Variants in SGCZ observed in about 807,000 individuals in gnomAD.
SGCZ encodes the protein zeta-sarcoglycan.
In SGCZ, 40 loss-of-function variants were observed where a neutral mutation model predicts 41.3. The observed-to-expected ratio is 0.97, with a 90% CI of 0.75 to 1.26. The LOEUF (loss-of-function observed/expected upper bound fraction) is 1.26, where lower values mean the gene tolerates loss of function less well. SGCZ is among the 50% of genes most tolerant of loss of function. The probability of loss-of-function intolerance (pLI) is 0.00; values close to 1 mark genes in which losing one functional copy is unlikely to be tolerated. For synonymous variants in SGCZ, 206 were observed against 137.5 expected, an observed-to-expected ratio of 1.50 and a Z score of -3.49; for missense variants, 552 against 369.8, an observed-to-expected ratio of 1.49 and a Z score of -4.04.
At chr8:14,118,154 G>A (rs991046160) in intron 5 of SGCZ, among the ~76,000 whole-genome samples, 4 of 151,954 alleles carry the variant, frequency 2.6e-5, no homozygotes, top group East Asian at 1.9e-4. Context: ...TTGAGGAATC[G>A]CCACATTGTC....
At chr8:14,369,051 G>GTGTGTC (rs1554507452) in intron 2 of SGCZ, among the ~76,000 whole-genome samples, 5 of 150,118 alleles carry the variant, frequency 3.3e-5, no homozygotes, top group African/African-American at 1.2e-4. Context: ...GTGTGTGTGT[G>GTGTGTC]TGTATTACAT....
At position 15,008,727 on chromosome 8, in the gene SGCZ, G is replaced by C. The variant is rs1411333353; in HGVS notation, c.39+228858C>G. Among the ~76,000 whole-genome samples the C allele has an allele frequency of 1.9e-3, 114 of 61,456 alleles. 1 individual carries two copies. Among genetic ancestry groups the C allele is most frequent in the African/African-American group, 6.9e-3 (103 of 14,850 alleles). 40.3% of individuals were successfully genotyped at this position (61,456 alleles called of 152,430 possible). ...GAAAAGGGGAGGAGGGAGGGGAGGAGGGGGGAGGAGGGAGGGGAAGAGGGG... is the reference window on the plus strand; with the variant it reads ...GAAAAGGGGAGGAGGGAGGGGAGGACGGGGGAGGAGGGAGGGGAAGAGGGG... On this transcript the variant is annotated intron_variant, in intron 1 of 7. Coordinates refer to ENST00000382080, the MANE Select transcript of SGCZ (RefSeq NM_139167.4).
intron 2 of SGCZ, among the ~76,000 whole-genome samples, chr8:14,325,517 AATAG>A (rs1031207339): frequency 1.9e-4 from 28 of 147,854 alleles, no homozygotes; most frequent in African/African-American, 6.4e-4. Context: ...AATCATATAT[AATAG>A]ATATATAATC....
At chr8:14,903,276 A>G (rs1563351402) in intron 1 of SGCZ, among the ~76,000 whole-genome samples, 3 of 151,986 alleles carry the variant, frequency 2.0e-5, no homozygotes, top group Non-Finnish European at 4.4e-5. Flanking sequence ...TAGATACAGC[A>G]TTATTTCTGA....
At chr8:14,542,116 G>C (rs187983906) in intron 2 of SGCZ, among the ~76,000 whole-genome samples, 1 of 152,166 alleles carries the variant, frequency 6.6e-6, no homozygotes, top group African/African-American at 2.4e-5. Context: ...CTTTTGCTGA[G>C]CAGAAGCTCT....
intron 2 of SGCZ, among the ~76,000 whole-genome samples, chr8:14,447,907 A>G (rs75379242): frequency 0.011 from 1,743 of 152,300 alleles, 25 homozygotes; most frequent in South Asian, 0.025. Context: ...AAATCACCTC[A>G]TATGACTTAT....
chr8:14,410,087 C>T (rs1488210562), intron 2 of SGCZ, among the ~76,000 whole-genome samples: 3 of 152,156 alleles, frequency 2.0e-5, no homozygotes, highest in South Asian at 4.1e-4. Flanking sequence ...CCAGGGGTGG[C>T]GTTAGATTCT....
intron 1 of SGCZ, among the ~76,000 whole-genome samples, chr8:14,990,155 A>G (rs1801960246): frequency 6.6e-6 from 1 of 152,220 alleles, no homozygotes; most frequent in Non-Finnish European, 1.5e-5. Context: ...AAATTGAAGC[A>G]GTGGCAATTA....
At chr8:14,290,312 G>C (rs1395810787) in intron 3 of SGCZ, among the ~76,000 whole-genome samples, 1 of 66,850 alleles carries the variant, frequency 1.5e-5, no homozygotes, top group African/African-American at 4.3e-5. Flanking sequence ...GAGGTACATA[G>C]GCAACAAAAG....
chr8:14,451,275 A>G (rs1255237780), intron 2 of SGCZ, among the ~76,000 whole-genome samples: 6 of 152,138 alleles, frequency 3.9e-5, no homozygotes, highest in Admixed American at 3.9e-4. Flanking sequence ...TCCTACGTTC[A>G]TTTTTGATGA....
intron 1 of SGCZ, among the ~76,000 whole-genome samples, chr8:14,822,260 G>T (rs147459091): frequency 1.6e-4 from 25 of 152,112 alleles, no homozygotes; most frequent in Middle Eastern, 3.4e-3. Flanking sequence ...AAAAATGATA[G>T]CTAAGAATAA....
chr8:14,301,461 C>T (rs890356745), intron 3 of SGCZ, among the ~76,000 whole-genome samples: 2 of 152,010 alleles, frequency 1.3e-5, no homozygotes, highest in African/African-American at 2.4e-5. Flanking sequence ...GATTCACCCT[C>T]GTCTTAGTTT....
intron 1 of SGCZ, among the ~76,000 whole-genome samples, chr8:15,076,999 T>C (rs1805556794): frequency 6.6e-6 from 1 of 152,160 alleles, no homozygotes; most frequent in African/African-American, 2.4e-5. Context: ...AATTGCAGCG[T>C]GTCTCAAATA....
intron 4 of SGCZ, among the ~76,000 whole-genome samples, chr8:14,192,643 A>G (rs1406265892): frequency 3.9e-5 from 6 of 151,968 alleles, no homozygotes; most frequent in African/African-American, 1.2e-4. Context: ...CTTCATCTTC[A>G]TTAATTAGAT....
At chr8:14,844,667 C>A (rs866659124) in intron 1 of SGCZ, among the ~76,000 whole-genome samples, 2 of 152,098 alleles carry the variant, frequency 1.3e-5, no homozygotes, top group South Asian at 2.1e-4. Flanking sequence ...ACTAATACAG[C>A]TAACAAACAT....
intron 2 of SGCZ, among the ~76,000 whole-genome samples, chr8:14,366,095 A>C (rs1237920259): frequency 6.6e-6 from 1 of 152,164 alleles, no homozygotes; most frequent in African/African-American, 2.4e-5. Context: ...TATATCAATA[A>C]ATGCCACTAG....
intron 2 of SGCZ, among the ~76,000 whole-genome samples, chr8:14,382,439 A>C (rs1245799966): frequency 6.6e-6 from 1 of 152,054 alleles, no homozygotes; most frequent in Admixed American, 6.6e-5. Flanking sequence ...ACAATACCAT[A>C]TCACAGAACA....
intron 2 of SGCZ, among the ~76,000 whole-genome samples, chr8:14,405,753 T>C (rs1298366220): frequency 6.6e-6 from 1 of 152,226 alleles, no homozygotes; most frequent in Non-Finnish European, 1.5e-5. Flanking sequence ...GTGATGTATG[T>C]CATATAATTT....
chr8:14,394,863 A>G (rs6988872), intron 2 of SGCZ, among the ~76,000 whole-genome samples: 54,433 of 152,000 alleles, frequency 0.36, 10,690 homozygotes, highest in African/African-American at 0.53. Context: ...CATGCTTCCA[A>G]GCATTATGTC....
Sources: allele counts gnomAD v4.1 joint callset (sites outside exome capture counted in the v4.1 genomes callset), GRCh38; gene constraint gnomAD v4.1.1; transcripts MANE v1.5; gene names NCBI Gene and HGNC (gene_info 2026-07-23, HGNC 2026-07-21).